ARHGEF6: variants seen among roughly 807,000 people sequenced by gnomAD.
ARHGEF6 encodes Rac/Cdc42 guanine nucleotide exchange factor 6, also known as rho guanine nucleotide exchange factor 6.
Under a neutral mutation model 70.3 loss-of-function variants are expected in ARHGEF6, and 9 were observed. The ratio of observed to expected loss-of-function variants is 0.13; its 90% CI spans 0.08 to 0.22. The LOEUF is 0.22. Among genes scored for constraint, ARHGEF6 ranks in the 10% least tolerant of loss-of-function variants. ARHGEF6 has a pLI of 1.00. For missense variants in ARHGEF6, 470 were observed against 563.0 expected, an observed-to-expected ratio of 0.83 and a Z score of 1.67; for synonymous variants, 201 against 207.8, an observed-to-expected ratio of 0.97 and a Z score of 0.28.
At chrX:136,669,404 C>A in intron 21 of ARHGEF6, 78 bp downstream of exon 21, 1 of 977,461 alleles carries the variant, frequency 1.0e-6, no homozygotes, top group Non-Finnish European at 1.5e-6. Flanking sequence ...CTAGGCCTTC[C>A]CTGAAAGCAT....
intron 2 of ARHGEF6, among the ~76,000 whole-genome samples, chrX:136,758,347 C>T (rs748981272): frequency 2.8e-4 from 31 of 109,571 alleles, no homozygotes; most frequent in Admixed American, 2.9e-4. Flanking sequence ...CCACTGCGCC[C>T]GGCCAAAAAT....
chrX:136,750,964 G>A (rs951720041), intron 2 of ARHGEF6, among the ~76,000 whole-genome samples: 12 of 109,613 alleles, frequency 1.1e-4, no homozygotes, highest in African/African-American at 3.7e-4. Context: ...CACCATGCCC[G>A]GCTAATTTTT....
chrX:136,733,022 T>G (rs1038305426), intron 5 of ARHGEF6, among the ~76,000 whole-genome samples: 10 of 111,586 alleles, frequency 9.0e-5, no homozygotes, highest in African/African-American at 3.3e-4. Flanking sequence ...AGTATAATTT[T>G]AATATTATTC....
intron 2 of ARHGEF6, chrX:136,767,104 G>A: frequency 1.3e-6 from 1 of 753,235 alleles, no homozygotes. Context: ...GCCCTCGCGC[G>A]CTCCCCTTCC....
intron 2 of ARHGEF6, chrX:136,768,411 G>T (rs2077338379): frequency 8.9e-6 from 1 of 112,493 alleles, no homozygotes; most frequent in Non-Finnish European, 1.9e-5. Flanking sequence ...AAAAGAACTT[G>T]CCAAAATCCT....
At chrX:136,710,030 G>T (rs990943431) in intron 7 of ARHGEF6, among the ~76,000 whole-genome samples, 3 of 110,505 alleles carry the variant, frequency 2.7e-5, no homozygotes, top group African/African-American at 9.9e-5. Flanking sequence ...ACTAGGCCGG[G>T]TGTGGTGGCT....
intron 11 of ARHGEF6, among the ~76,000 whole-genome samples, chrX:136,686,631 T>TATATATATATATATATATACAC (rs2076397187): frequency 1.3e-5 from 1 of 76,293 alleles, no homozygotes; most frequent in Non-Finnish European, 2.2e-5. Context: ...TACACATATA[T>TATATATATATATATATATACAC]ATATATATAT....
chrX:136,743,857 T>C (rs1377196957), intron 4 of ARHGEF6, 71 bp from the exon 5 acceptor site: 15 of 1,004,763 alleles, frequency 1.5e-5, no homozygotes, highest in Non-Finnish European at 2.0e-5. Context: ...GATATGGATA[T>C]AGGCAAATAA....
chrX:136,752,366 T>G (rs1379866553), intron 2 of ARHGEF6, among the ~76,000 whole-genome samples: 1 of 112,067 alleles, frequency 8.9e-6, no homozygotes, highest in Non-Finnish European at 1.9e-5. Context: ...TCCTATTTGT[T>G]GAACCAGGTC....
intron 3 of ARHGEF6, among the ~76,000 whole-genome samples, chrX:136,745,612 T>A (rs904214347): frequency 3.6e-5 from 4 of 111,776 alleles, no homozygotes; most frequent in Non-Finnish European, 7.5e-5. Flanking sequence ...TCCCTACAAC[T>A]CTTCCCTCCT....
chrX:136,701,709 T>TC (rs1394247524), intron 9 of ARHGEF6, among the ~76,000 whole-genome samples: 1 of 80,336 alleles, frequency 1.2e-5, no homozygotes, highest in Non-Finnish European at 2.7e-5. Context: ...TTTCTTTTTT[T>TC]TTTTTTTTTT....
At chrX:136,776,268 T>C (rs1416205266) in intron 2 of ARHGEF6, among the ~76,000 whole-genome samples, 1 of 111,828 alleles carries the variant, frequency 8.9e-6, no homozygotes, top group Non-Finnish European at 1.9e-5. Context: ...TCTAGAGGCA[T>C]CACATTACCC....
intron 2 of ARHGEF6, among the ~76,000 whole-genome samples, chrX:136,763,563 G>A (rs1010465469): frequency 2.7e-5 from 3 of 112,248 alleles, no homozygotes; most frequent in African/African-American, 9.7e-5. Context: ...GGTGGCTTAC[G>A]CCTGTAATCC....
rs150444718 is a variant in ARHGEF6, at chrX:136,738,615, C to T, written c.661+4970G>A. Reference sequence around the variant, plus strand: ...ATTGTATTCTAATGATGTCTTCTTACACTACAGTATGAACACCCTGAAGGC... The same window carrying T: ...ATTGTATTCTAATGATGTCTTCTTATACTACAGTATGAACACCCTGAAGGC... On this transcript the variant is annotated intron_variant, in intron 5 of 21. Transcript: ENST00000250617. Among the ~76,000 whole-genome samples, 255 of 112,416 alleles carry T rather than the reference C, an allele frequency of 2.3e-3. 2 individuals carry two copies. Among genetic ancestry groups the T allele is most frequent in the African/African-American group, 8.0e-3 (246 of 30,939 alleles).
At chrX:136,742,136 C>T (rs1361038473) in intron 5 of ARHGEF6, among the ~76,000 whole-genome samples, 1 of 110,932 alleles carries the variant, frequency 9.0e-6, no homozygotes, top group African/African-American at 3.3e-5. Context: ...CTGGCTAACA[C>T]GGTGAAACCC....
intron 19 of ARHGEF6, among the ~76,000 whole-genome samples, chrX:136,672,982 G>A (rs1306308384): frequency 1.8e-5 from 2 of 112,262 alleles, no homozygotes; most frequent in Non-Finnish European, 3.8e-5. Context: ...GCACTTTGTA[G>A]GTGCTTAATA....
intron 20 of ARHGEF6, 129 bp from the exon 21 acceptor site, chrX:136,669,665 A>G: frequency 1.8e-6 from 1 of 542,845 alleles, no homozygotes; most frequent in Non-Finnish European, 3.2e-6. Context: ...CTGATTGGGA[A>G]TGGTACTGCT....
In ARHGEF6 at chrX:136,682,723, G is replaced by T. The variant is rs778338451; in HGVS notation, c.1479+35C>A. 9.9e-6 allele frequency: 11 copies of T among 1,105,978 alleles called. No homozygotes were observed. In the East Asian group the frequency reaches 2.7e-4, roughly 27 times the overall value. The allele number at this position is 1,105,978 out of a possible 1,213,427, so 91.1% of individuals were successfully genotyped here. A position where few individuals can be genotyped will look rare whatever the true frequency, so the allele number is the denominator to read the frequency against. On this transcript the variant is annotated intron_variant, in intron 13 of 21. Transcript: ENST00000250617. ...TGGATGGAAACCTGTTTTCGTTAGG[G>T]GGTCTGCTATGTGTTTTATATGAAA...
At chrX:136,761,807 A>T (rs1022628446) in intron 2 of ARHGEF6, among the ~76,000 whole-genome samples, 4 of 111,291 alleles carry the variant, frequency 3.6e-5, no homozygotes, top group South Asian at 3.7e-4. Flanking sequence ...AAATGGCTGG[A>T]TTTTTTTTTC....
Sources: gnomAD v4.1 joint callset for allele counts (sites outside exome capture counted in the v4.1 genomes callset) on GRCh38, gnomAD v4.1.1 for gene constraint, MANE v1.5 for transcripts, NCBI Gene and HGNC (gene_info 2026-07-23, HGNC 2026-07-21) for gene names.